TRHR: variants seen among roughly 807,000 people sequenced by gnomAD.
TRHR encodes the protein thyrotropin releasing hormone receptor.
Under a neutral mutation model 28.0 loss-of-function variants are expected in TRHR, and 14 were observed. That is an observed-to-expected ratio of 0.50 (90% CI 0.33 to 0.78). The LOEUF (loss-of-function observed/expected upper bound fraction) is 0.78, where lower values mean the gene tolerates loss of function less well. TRHR is among the 30% of genes least tolerant of loss of function. The pLI is 0.02. For synonymous variants in TRHR, 176 were observed against 171.9 expected (o/e 1.02, Z -0.18); for missense variants, 438 against 469.5 (o/e 0.93, Z 0.62).
chr8:109,116,867 A>G (rs1811930225), intron 2 of TRHR, among the ~76,000 whole-genome samples: 2 of 152,004 alleles, frequency 1.3e-5, no homozygotes, highest in South Asian at 2.1e-4. Context: ...TGAGAGATCA[A>G]CAAGTATAGG....
intron 2 of TRHR, among the ~76,000 whole-genome samples, chr8:109,110,846 T>C (rs1380420482): frequency 1.3e-5 from 2 of 152,154 alleles, no homozygotes; most frequent in Non-Finnish European, 2.9e-5. Context: ...CCACATTGAT[T>C]ATAACTGTCT....
At chr8:109,104,945 C>A (rs1210712092) in intron 2 of TRHR, among the ~76,000 whole-genome samples, 2 of 152,038 alleles carry the variant, frequency 1.3e-5, no homozygotes, top group Non-Finnish European at 2.9e-5. Context: ...CATAGAAACA[C>A]CCCATCTCTT....
intron 2 of TRHR, among the ~76,000 whole-genome samples, chr8:109,106,658 T>C (rs79838947): frequency 0.051 from 7,812 of 152,224 alleles, 224 homozygotes; most frequent in South Asian, 0.08. Context: ...ATGTAATACA[T>C]ATCCTGCCCT....
chr8:109,109,082 T>C (rs1811790953), intron 2 of TRHR, among the ~76,000 whole-genome samples: 1 of 152,224 alleles, frequency 6.6e-6, no homozygotes, highest in African/African-American at 2.4e-5. Context: ...CATAAGGACT[T>C]AGTATCACAG....
intron 2 of TRHR, among the ~76,000 whole-genome samples, chr8:109,109,431 G>T (rs1008672927): frequency 3.3e-5 from 5 of 151,246 alleles, no homozygotes; most frequent in Admixed American, 6.6e-5. Context: ...GGCCGTTAAG[G>T]TTAAGTATAA....
intron 2 of TRHR, among the ~76,000 whole-genome samples, chr8:109,097,315 A>G (rs1234596259): frequency 1.3e-5 from 2 of 152,192 alleles, no homozygotes; most frequent in Admixed American, 1.3e-4. Context: ...CAGTTTTCAC[A>G]CATCATCTTC....
chr8:109,091,041 A>G (rs2129870748), intron 2 of TRHR, among the ~76,000 whole-genome samples: 1 of 149,900 alleles, frequency 6.7e-6, no homozygotes, highest in Admixed American at 6.6e-5. Flanking sequence ...AGTGATGAGC[A>G]GGGAGCAGCA....
At chr8:109,098,471 C>A (rs1249368007) in intron 2 of TRHR, among the ~76,000 whole-genome samples, 1 of 152,140 alleles carries the variant, frequency 6.6e-6, no homozygotes, top group Non-Finnish European at 1.5e-5. Context: ...TCCAGTTCTT[C>A]TTCCAGGGTG....
intron 2 of TRHR, among the ~76,000 whole-genome samples, chr8:109,102,545 A>G (rs1811693047): frequency 6.6e-6 from 1 of 152,158 alleles, no homozygotes; most frequent in Non-Finnish European, 1.5e-5. Context: ...ATGAGATGCA[A>G]AGAAAAGAAA....
At chr8:109,102,639 T>A (rs1811694019) in intron 2 of TRHR, among the ~76,000 whole-genome samples, 1 of 151,984 alleles carries the variant, frequency 6.6e-6, no homozygotes, top group South Asian at 2.1e-4. Flanking sequence ...ATTTTTTCAG[T>A]GAAGTAGAAT....
At chr8:109,109,876 GCT>G (rs1305191024) in intron 2 of TRHR, among the ~76,000 whole-genome samples, 1 of 152,176 alleles carries the variant, frequency 6.6e-6, no homozygotes, top group East Asian at 1.9e-4. Context: ...GAGAAGCAGA[GCT>G]CTGTTGATTT....
At chr8:109,098,057 A>C (rs1238203065) in intron 2 of TRHR, among the ~76,000 whole-genome samples, 1 of 152,000 alleles carries the variant, frequency 6.6e-6, no homozygotes, top group Non-Finnish European at 1.5e-5. Flanking sequence ...TCCTCTCTGC[A>C]CTGTAGGCAA....
At chr8:109,101,698 T>C (rs1376239105) in intron 2 of TRHR, among the ~76,000 whole-genome samples, 4 of 152,182 alleles carry the variant, frequency 2.6e-5, no homozygotes, top group South Asian at 4.1e-4. Flanking sequence ...GTTTTGTCCA[T>C]GTTGTACTTG....
chr8:109,107,316 C>T (rs998524856), intron 2 of TRHR, among the ~76,000 whole-genome samples: 8 of 152,142 alleles, frequency 5.3e-5, no homozygotes, highest in Admixed American at 1.3e-4. Flanking sequence ...GAGAACCATA[C>T]CCTATGCTGG....
intron 2 of TRHR, among the ~76,000 whole-genome samples, chr8:109,097,198 A>G (rs771557675): frequency 5.3e-5 from 8 of 152,214 alleles, no homozygotes; most frequent in Non-Finnish European, 8.8e-5. Context: ...CAGAAGGCAT[A>G]GAGAGGCAGA....
At chr8:109,099,877 ATGAGGATT>A (rs1811649767) in intron 2 of TRHR, among the ~76,000 whole-genome samples, 1 of 152,120 alleles carries the variant, frequency 6.6e-6, no homozygotes. Context: ...TTTGAGTTTT[ATGAGGATT>A]TATGACTATG....
intron 2 of TRHR, among the ~76,000 whole-genome samples, chr8:109,100,274 G>T (rs1486831586): frequency 2.6e-5 from 4 of 152,114 alleles, no homozygotes; most frequent in African/African-American, 9.7e-5. Flanking sequence ...ATTTACGGGA[G>T]AAATATTTAA....
At chr8:109,094,749 G>T (rs547129736) in intron 2 of TRHR, among the ~76,000 whole-genome samples, 1 of 151,282 alleles carries the variant, frequency 6.6e-6, no homozygotes, top group African/African-American at 2.4e-5. Context: ...GTGTCTTTAT[G>T]AATAATTGAG....
At chr8:109,091,364 G>A (rs1811515502) in intron 2 of TRHR, among the ~76,000 whole-genome samples, 1 of 152,200 alleles carries the variant, frequency 6.6e-6, no homozygotes, top group Non-Finnish European at 1.5e-5. Context: ...GTGAAGGGGA[G>A]CTAGTTTTGT....
Sources: allele counts gnomAD v4.1 joint callset (sites outside exome capture counted in the v4.1 genomes callset), GRCh38; gene constraint gnomAD v4.1.1; transcripts MANE v1.5; gene names NCBI Gene and HGNC (gene_info 2026-07-23, HGNC 2026-07-21).